SCAMP5: variants seen among roughly 807,000 people sequenced by gnomAD.
SCAMP5 encodes secretory carrier-associated membrane protein 5.
A neutral mutation model predicts 28.3 loss-of-function variants in SCAMP5; 7 were observed. The ratio of observed to expected loss-of-function variants is 0.25; its 90% CI spans 0.14 to 0.46. The LOEUF (loss-of-function observed/expected upper bound fraction) is 0.46, where lower values mean the gene tolerates loss of function less well. Among genes scored for constraint, SCAMP5 ranks in the 20% least tolerant of loss-of-function variants. SCAMP5 has a pLI of 0.99. For synonymous variants in SCAMP5, 117 were observed against 116.4 expected, an observed-to-expected ratio of 1.00 and a Z score of -0.03; for missense variants, 192 against 312.5, an observed-to-expected ratio of 0.61 and a Z score of 2.91.
chr15:75,016,781 C>T, intron 4 of SCAMP5, 32 bp downstream of exon 4: 1 of 1,570,440 alleles, frequency 6.4e-7, no homozygotes, highest in Non-Finnish European at 8.7e-7. Flanking sequence ...CAGTGCCTAG[C>T]CGTCTCTGCC....
In SCAMP5 at chr15:75,018,705, T is replaced by G. The variant is rs2065880156; in HGVS notation, c.514-84T>G. 8.7e-7 allele frequency: 1 copy of G among 1,150,246 alleles called. No homozygotes were observed. Among genetic ancestry groups the G allele is most frequent in the Admixed American group, 2.0e-5 (1 of 49,016 alleles). 71.3% of individuals were successfully genotyped at this position (1,150,246 alleles called of 1,614,324 possible). A position where few individuals can be genotyped will look rare whatever the true frequency, so the allele number is the denominator to read the frequency against. On this transcript the variant is annotated intron_variant, in intron 6 of 6. Transcript: ENST00000425597. The surrounding 1 kb of genome is among the most constrained non-coding windows in gnomAD (Gnocchi z 5.6). ...TTCATGGGGAGGGAGCACTGTTTTT[T>G]TTTTACAGATGGGTCCCATCTATTT...
Position 75,019,980 on chromosome 15 carries a change from C to G in SCAMP5, c.*997C>G, listed in dbSNP as rs538739702. On this transcript the variant is annotated 3_prime_UTR_variant, in exon 7 of 7. Transcript: ENST00000425597. ...TGTCCCTCTGCCTCCTCCCCATGCC[C>G]CCAGTTGCTGTGGCTTGATTCTGCT... 4.5e-5 allele frequency: 7 copies of G among 153,874 alleles called. No homozygotes were observed. The East Asian group carries it at 1.1e-3, about 25-fold the overall frequency. The allele number at this position is 153,874 out of a possible 1,614,324, so 9.5% of individuals were successfully genotyped here.
At chr15:75,012,258 C>A (rs573875920) in intron 2 of SCAMP5, among the ~76,000 whole-genome samples, 1 of 152,334 alleles carries the variant, frequency 6.6e-6, no homozygotes, top group African/African-American at 2.4e-5. Context: ...GCCCCCACTC[C>A]AGCAAATAAA....
Position 75,018,700 on chromosome 15 carries a change from T to G in SCAMP5, c.514-89T>G. 2 of 955,192 alleles carry G rather than the reference T, an allele frequency of 2.1e-6. No individual in the cohort carries two copies. Among genetic ancestry groups the G allele is most frequent in the Non-Finnish European group, 3.2e-6 (2 of 629,566 alleles). The allele number at this position is 955,192 out of a possible 1,614,324, so 59.2% of individuals were successfully genotyped here. A position where few individuals can be genotyped will look rare whatever the true frequency, so the allele number is the denominator to read the frequency against. On this transcript the variant is annotated intron_variant, in intron 6 of 6. Coordinates refer to ENST00000425597, the MANE Select transcript of SCAMP5 (RefSeq NM_138967.4). The surrounding 1 kb of genome is among the most constrained non-coding windows in gnomAD (Gnocchi z 5.6). Reference sequence around the variant, plus strand: ...AGGCATTCATGGGGAGGGAGCACTGTTTTTTTTTTACAGATGGGTCCCATC... The same window carrying G: ...AGGCATTCATGGGGAGGGAGCACTGGTTTTTTTTTACAGATGGGTCCCATC...
Position 75,018,045 on chromosome 15 carries a change from C to T in SCAMP5, c.395+74C>T. On this transcript the variant is annotated intron_variant, in intron 5 of 6. Transcript: ENST00000425597. The surrounding 1 kb of genome is among the most constrained non-coding windows in gnomAD (Gnocchi z 5.6). ...TGTATCTTTTGCTTACCTTTGTGTG[C>T]TAAGCTGTCTAGCCTATGGGGCCTG... 1.1e-6 allele frequency: 1 copy of T among 925,814 alleles called. No homozygotes were observed. Among genetic ancestry groups the T allele is most frequent in the Non-Finnish European group, 1.7e-6 (1 of 572,562 alleles). The allele number at this position is 925,814 out of a possible 1,614,324, so 57.3% of individuals were successfully genotyped here.
rs1281359423 is a variant in SCAMP5, at chr15:75,018,669, C to T, written c.514-120C>T. 1.5e-5 allele frequency: 15 copies of T among 1,020,088 alleles called. No individual in the cohort carries two copies. Among genetic ancestry groups the T allele is most frequent in the Non-Finnish European group, 2.3e-5 (15 of 649,454 alleles). 63.2% of individuals were successfully genotyped at this position (1,020,088 alleles called of 1,614,324 possible). On this transcript the variant is annotated intron_variant, in intron 6 of 6. Transcript: ENST00000425597. This position sits in a 1 kb window ranked among gnomAD's most constrained non-coding sequence, Gnocchi z 5.6. Reference sequence around the variant, plus strand: ...CTCTGGAATGGCCTGCAGGACTCTCCTACAGAGGCATTCATGGGGAGGGAG... The same window carrying T: ...CTCTGGAATGGCCTGCAGGACTCTCTTACAGAGGCATTCATGGGGAGGGAG...
intron 1 of SCAMP5, among the ~76,000 whole-genome samples, chr15:75,006,930 C>A (rs905875687): frequency 1.3e-5 from 2 of 151,878 alleles, no homozygotes; most frequent in African/African-American, 4.8e-5. Flanking sequence ...CAACAGAGCG[C>A]GACTCTGTCT....
intron 2 of SCAMP5, 70 bp from the exon 3 acceptor site, chr15:75,012,607 G>T: frequency 6.3e-7 from 1 of 1,588,020 alleles, no homozygotes; most frequent in Admixed American, 1.7e-5. Flanking sequence ...ACAGCCAGGG[G>T]AAGGATGGGC....
Position 75,019,620 on chromosome 15 carries a change from GGTCT to G in SCAMP5, c.*642_*645del, listed in dbSNP as rs1237189283. The G allele has an allele frequency of 1.3e-5, 2 of 153,030 alleles. No individual in the cohort carries two copies. Among genetic ancestry groups the G allele is most frequent in the South Asian group, 2.1e-4 (1 of 4,816 alleles). The allele number at this position is 153,030 out of a possible 1,614,324, so 9.5% of individuals were successfully genotyped here. ...CCCTGTGCAATCTTCCCTTGCCCAT[GGTCT>G]GTCTATCTCTTTCCTATGTGGCTTT... is the stretch of plus-strand genomic sequence containing the variant. On this transcript the variant is annotated 3_prime_UTR_variant, in exon 7 of 7. Transcript: ENST00000425597.
chr15:75,005,747 C>T (rs529226453), intron 1 of SCAMP5, among the ~76,000 whole-genome samples: 322 of 152,130 alleles, frequency 2.1e-3, no homozygotes, highest in African/African-American at 7.4e-3. Context: ...TTTTTTGAGA[C>T]GGAGTCTCAC....
rs148435568 is a variant in SCAMP5, at chr15:75,011,918, C to G, written c.7+72C>G. The G allele has an allele frequency of 7.2e-4, 921 of 1,276,192 alleles. 4 individuals are homozygous for G. The African/African-American group carries it at 0.012, about 17-fold the overall frequency. 79.1% of individuals were successfully genotyped at this position (1,276,192 alleles called of 1,614,324 possible). A position where few individuals can be genotyped will look rare whatever the true frequency, so the allele number is the denominator to read the frequency against. On this transcript the variant is annotated intron_variant, in intron 2 of 6. Transcript: ENST00000425597. ...AGCGTGGATGGCCCTCTTCCTGGTT[C>G]CCTTATCTCCCCTAGTCTTTGGAGG...
At chr15:75,009,606 A>C (rs2065793229) in intron 1 of SCAMP5, among the ~76,000 whole-genome samples, 1 of 151,972 alleles carries the variant, frequency 6.6e-6, no homozygotes, top group South Asian at 2.1e-4. Flanking sequence ...CCTCCTGAGG[A>C]ACTGGGACTA....
intron 3 of SCAMP5, among the ~76,000 whole-genome samples, chr15:75,013,399 A>G (rs555184708): frequency 6.6e-6 from 1 of 152,152 alleles, no homozygotes; most frequent in Non-Finnish European, 1.5e-5. Flanking sequence ...TGGGTGGTCT[A>G]TACCTGTAAG....
At chr15:75,004,134 C>T (rs1249024592) in intron 1 of SCAMP5, among the ~76,000 whole-genome samples, 1 of 151,936 alleles carries the variant, frequency 6.6e-6, no homozygotes, top group Non-Finnish European at 1.5e-5. Flanking sequence ...GAACTCCCGA[C>T]CTCAGGTGAT....
At chr15:75,006,125 G>T (rs942142230) in intron 1 of SCAMP5, among the ~76,000 whole-genome samples, 1 of 150,954 alleles carries the variant, frequency 6.6e-6, no homozygotes, top group African/African-American at 2.4e-5. Flanking sequence ...AGCCTCTGGA[G>T]TAGCTGGGAT....
intron 1 of SCAMP5, among the ~76,000 whole-genome samples, chr15:75,008,824 C>G (rs971176535): frequency 1.3e-5 from 2 of 152,042 alleles, no homozygotes; most frequent in Non-Finnish European, 2.9e-5. Flanking sequence ...CTGTGTAATA[C>G]TCTATTGTAT....
At chr15:75,003,530 T>C (rs1446098057) in intron 1 of SCAMP5, among the ~76,000 whole-genome samples, 3 of 152,188 alleles carry the variant, frequency 2.0e-5, no homozygotes, top group Admixed American at 6.5e-5. Context: ...GGCAATGGGC[T>C]GGGCACAGTG....
Position 74,995,588 on chromosome 15 carries a change from C to T in SCAMP5, c.-134C>T, listed in dbSNP as rs892725969. The T allele has an allele frequency of 6.9e-6, 1 of 143,986 alleles. No homozygotes were observed. The highest frequency in any genetic ancestry group is 1.5e-5 in the Non-Finnish European group (1 of 65,454). The allele number at this position is 143,986 out of a possible 1,614,324, so 8.9% of individuals were successfully genotyped here. A position where few individuals can be genotyped will look rare whatever the true frequency, so the allele number is the denominator to read the frequency against. ...CCCCGCCCCCAGCCCCGGAGCGGCT[C>T]GCGGCCGGCTCCGCGCCGCATCGCT... is the stretch of plus-strand genomic sequence containing the variant. On this transcript the variant is annotated 5_prime_UTR_variant, in exon 1 of 7. Coordinates refer to ENST00000425597, the MANE Select transcript of SCAMP5 (RefSeq NM_138967.4).
At position 75,018,998 on chromosome 15, in the gene SCAMP5, C is replaced by A; in HGVS notation, c.*15C>A. The A allele has an allele frequency of 6.7e-7, 1 of 1,483,914 alleles. No individual in the cohort carries two copies. The highest frequency in any genetic ancestry group is 8.9e-7 in the Non-Finnish European group (1 of 1,119,602). 91.9% of individuals were successfully genotyped at this position (1,483,914 alleles called of 1,614,324 possible). ...ATGAGATGTGAACCAGCCACGCCTA[C>A]CAGGTGGCAGAGCTGGGGCCATTGG... is the stretch of plus-strand genomic sequence containing the variant. On this transcript the variant is annotated 3_prime_UTR_variant, in exon 7 of 7. Coordinates refer to ENST00000425597, the MANE Select transcript of SCAMP5 (RefSeq NM_138967.4). The surrounding 1 kb of genome is among the most constrained non-coding windows in gnomAD (Gnocchi z 5.6).
Sources: allele counts gnomAD v4.1 joint callset (sites outside exome capture counted in the v4.1 genomes callset), GRCh38; gene constraint gnomAD v4.1.1; non-coding constraint Gnocchi (gnomAD v3.1); transcripts MANE v1.5; gene names NCBI Gene and HGNC (gene_info 2026-07-23, HGNC 2026-07-21).